The following GRB14 variants were observed in gnomAD, a reference collection of about 807,000 sequenced individuals.
GRB14 encodes growth factor receptor-bound protein 14.
In GRB14, 38 loss-of-function variants were observed where a neutral mutation model predicts 69.1. That is an observed-to-expected ratio of 0.55 (90% confidence interval 0.42 to 0.72). The LOEUF is 0.72. Ranked by LOEUF, GRB14 falls within the 30% of genes least tolerant of loss-of-function variation. GRB14 has a pLI of 0.00. For missense variants in GRB14, 666 were observed against 666.1 expected, an observed-to-expected ratio of 1.00 and a Z score of 0.00; for synonymous variants, 247 against 241.3, an observed-to-expected ratio of 1.02 and a Z score of -0.22.
intron 2 of GRB14, among the ~76,000 whole-genome samples, chr2:164,577,765 C>T (rs917246302): frequency 2.6e-5 from 4 of 152,028 alleles, no homozygotes; most frequent in Non-Finnish European, 5.9e-5. Context: ...GCAACAGATG[C>T]CACTGAAAAT....
At chr2:164,515,614 G>A (rs1687460915) in intron 6 of GRB14, among the ~76,000 whole-genome samples, 2 of 152,098 alleles carry the variant, frequency 1.3e-5, no homozygotes, top group African/African-American at 4.8e-5. Context: ...AAAATGAGAA[G>A]GAACCAGAGA....
Position 164,621,083 on chromosome 2 carries a change from C to A in GRB14, c.191+36G>T. 8.0e-7 allele frequency: 1 copy of A among 1,245,002 alleles called. No homozygotes were observed. The highest frequency in any genetic ancestry group is 1.0e-6 in the Non-Finnish European group (1 of 987,656). The allele number at this position is 1,245,002 out of a possible 1,614,324, so 77.1% of individuals were successfully genotyped here. On this transcript the variant is annotated intron_variant, in intron 1 of 13. Coordinates refer to ENST00000263915, the MANE Select transcript of GRB14 (RefSeq NM_004490.3). The surrounding 1 kb of genome is among the most constrained non-coding windows in gnomAD (Gnocchi z 6.0). ...CCTCACCCCCTCGCCGGCTGCCCAG[C>A]CAGGACACTCCCCCGCGCCCTCCAG...
intron 2 of GRB14, among the ~76,000 whole-genome samples, chr2:164,604,813 A>G (rs1272323938): frequency 2.0e-5 from 3 of 152,192 alleles, no homozygotes; most frequent in African/African-American, 7.2e-5. Context: ...TAATAGGTAA[A>G]TCCATACAAA....
At chr2:164,585,084 GCTTTTTTTTTTTTTTTT>G in intron 2 of GRB14, among the ~76,000 whole-genome samples, 1 of 94,234 alleles carries the variant, frequency 1.1e-5, no homozygotes, top group African/African-American at 4.2e-5. Flanking sequence ...ACCATGCCTG[GCTTTTTTTTTTTTTTTT>G]TTTTTTTTTT....
At chr2:164,567,344 G>A (rs1038343134) in intron 2 of GRB14, among the ~76,000 whole-genome samples, 4 of 152,026 alleles carry the variant, frequency 2.6e-5, no homozygotes, top group Admixed American at 6.6e-5. Flanking sequence ...GAGGCACTTC[G>A]TTTTTAAAAA....
At chr2:164,532,679 C>T (rs967353838) in intron 3 of GRB14, among the ~76,000 whole-genome samples, 5 of 152,098 alleles carry the variant, frequency 3.3e-5, no homozygotes, top group South Asian at 2.1e-4. Context: ...AAGCTGTTAA[C>T]GGGCAAGGGG....
intron 1 of GRB14, among the ~76,000 whole-genome samples, chr2:164,620,570 T>C (rs1690432094): frequency 6.6e-6 from 1 of 152,224 alleles, no homozygotes. Context: ...TAGATTTTTG[T>C]ATTGCTGTAA....
At chr2:164,534,202 G>A (rs967919097) in intron 3 of GRB14, among the ~76,000 whole-genome samples, 1 of 152,082 alleles carries the variant, frequency 6.6e-6, no homozygotes, top group Non-Finnish European at 1.5e-5. Context: ...TACTAGCCTG[G>A]TAATGAAGAT....
chr2:164,525,847 C>G (rs1232027675), intron 4 of GRB14, among the ~76,000 whole-genome samples: 1 of 151,912 alleles, frequency 6.6e-6, no homozygotes, highest in African/African-American at 2.4e-5. Context: ...TTAGAGTATT[C>G]CTATCCTCTG....
chr2:164,604,552 C>T (rs1690000286), intron 2 of GRB14, among the ~76,000 whole-genome samples: 1 of 151,872 alleles, frequency 6.6e-6, no homozygotes, highest in Non-Finnish European at 1.5e-5. Context: ...CAGTGTTTCC[C>T]TCACAGCAGG....
At chr2:164,588,926 C>T (rs1428729803) in intron 2 of GRB14, among the ~76,000 whole-genome samples, 1 of 152,176 alleles carries the variant, frequency 6.6e-6, no homozygotes, top group Non-Finnish European at 1.5e-5. Context: ...CTGTTTAAAC[C>T]TCCAAGACAC....
intron 2 of GRB14, among the ~76,000 whole-genome samples, chr2:164,605,311 T>C (rs1203356645): frequency 6.6e-6 from 1 of 152,166 alleles, no homozygotes; most frequent in African/African-American, 2.4e-5. Context: ...AAGAGTATAT[T>C]CTATTTCCAG....
chr2:164,542,884 T>C (rs866077890), intron 3 of GRB14, among the ~76,000 whole-genome samples: 35 of 152,344 alleles, frequency 2.3e-4, no homozygotes, highest in Middle Eastern at 6.8e-3. Flanking sequence ...GCAATCCCAT[T>C]ACTGGGCATA....
At chr2:164,549,819 G>A (rs1169172007) in intron 2 of GRB14, among the ~76,000 whole-genome samples, 1 of 150,468 alleles carries the variant, frequency 6.6e-6, no homozygotes, top group Non-Finnish European at 1.5e-5. Context: ...AGCCAGGATC[G>A]TGCCACTGCA....
intron 8 of GRB14, among the ~76,000 whole-genome samples, chr2:164,507,595 T>G (rs1392480075): frequency 1.3e-5 from 2 of 152,168 alleles, no homozygotes; most frequent in Non-Finnish European, 2.9e-5. Context: ...AAACCAAAAA[T>G]TTAATAATAA....
rs145782116 is a variant in GRB14, at chr2:164,577,856, C to G, written c.325-30040G>C. On this transcript the variant is annotated intron_variant, in intron 2 of 13. Transcript: ENST00000263915. ...AGATTTTTTTACCTAACACCATACT[C>G]TAAAATAGACTGTAACATTAGACAA... is the stretch of plus-strand genomic sequence containing the variant. Among the ~76,000 whole-genome samples the G allele has an allele frequency of 2.4e-3, 363 of 152,224 alleles. 2 individuals carry two copies. The highest frequency in any genetic ancestry group is 8.3e-3 in the African/African-American group (346 of 41,528).
intron 2 of GRB14, among the ~76,000 whole-genome samples, chr2:164,578,634 G>C (rs1288875182): frequency 6.6e-6 from 1 of 152,022 alleles, no homozygotes; most frequent in Non-Finnish European, 1.5e-5. Context: ...GCATCTTCAT[G>C]AGTTGGACAA....
chr2:164,561,279 C>T (rs1198378928), intron 2 of GRB14, among the ~76,000 whole-genome samples: 1 of 152,118 alleles, frequency 6.6e-6, no homozygotes, highest in Non-Finnish European at 1.5e-5. Context: ...TTTTAGACTC[C>T]TCATACTGTA....
At chr2:164,520,983 A>G (rs1196191136) in intron 6 of GRB14, among the ~76,000 whole-genome samples, 2 of 152,162 alleles carry the variant, frequency 1.3e-5, no homozygotes, top group African/African-American at 4.8e-5. Flanking sequence ...GTAGAACTAC[A>G]TTTTGATCCA....
Sources: allele counts gnomAD v4.1 joint callset (sites outside exome capture counted in the v4.1 genomes callset), GRCh38; gene constraint gnomAD v4.1.1; non-coding constraint Gnocchi (gnomAD v3.1); transcripts MANE v1.5; gene names NCBI Gene and HGNC (gene_info 2026-07-23, HGNC 2026-07-21).